DPP6: variants seen among roughly 807,000 people sequenced by gnomAD.
DPP6 encodes the protein A-type potassium channel modulatory protein DPP6.
In DPP6, 69 loss-of-function variants were observed where a neutral mutation model predicts 122.6. That is an observed-to-expected ratio of 0.56 (90% CI 0.46 to 0.69). The LOEUF is 0.69. Among genes scored for constraint, DPP6 ranks in the 30% least tolerant of loss-of-function variants. DPP6 has a pLI of 0.00. For synonymous variants in DPP6, 418 were observed against 433.1 expected, an observed-to-expected ratio of 0.97 and a Z score of 0.43; for missense variants, 928 against 1,116.9, an observed-to-expected ratio of 0.83 and a Z score of 2.41.
chr7:154,424,582 CCA>C, intron 1 of DPP6, among the ~76,000 whole-genome samples: 1 of 152,266 alleles, frequency 6.6e-6, no homozygotes, highest in Admixed American at 6.5e-5. Flanking sequence ...AAAATTGAGC[CCA>C]CGTGGATAAT....
intron 1 of DPP6, among the ~76,000 whole-genome samples, chr7:154,162,631 G>A (rs535440461): frequency 9.9e-5 from 15 of 152,190 alleles, no homozygotes; most frequent in African/African-American, 3.4e-4. Flanking sequence ...TCAACACCTG[G>A]AATCTGCATT....
At chr7:154,231,680 A>G (rs10229514) in intron 1 of DPP6, among the ~76,000 whole-genome samples, 7,261 of 152,096 alleles carry the variant, frequency 0.048, 569 homozygotes, top group African/African-American at 0.16. Context: ...CTGTGTCTCT[A>G]TGCCTGCAGT....
intron 8 of DPP6, among the ~76,000 whole-genome samples, chr7:154,741,925 T>G (rs1361140155): frequency 6.6e-6 from 1 of 152,198 alleles, no homozygotes; most frequent in Admixed American, 6.5e-5. Context: ...ATAGAAGAAA[T>G]TTACATGTAG....
chr7:154,129,392 A>C (rs1343212741), intron 1 of DPP6, among the ~76,000 whole-genome samples: 1 of 152,182 alleles, frequency 6.6e-6, no homozygotes, highest in Non-Finnish European at 1.5e-5. Context: ...TTTAGAGGAC[A>C]GAGCTGCTAA....
At chr7:153,756,439 G>A in the DPP6 span, among the ~76,000 whole-genome samples, 9 of 152,058 alleles carry the variant, frequency 5.9e-5, no homozygotes, top group South Asian at 1.0e-3. Context: ...TCCATTATAC[G>A]AGGCTGTTTT....
chr7:154,510,710 A>T (rs897062929), intron 3 of DPP6, among the ~76,000 whole-genome samples: 13 of 150,290 alleles, frequency 8.6e-5, no homozygotes, highest in African/African-American at 2.9e-4. Flanking sequence ...AAAAAAAAAT[A>T]GTGTAAAGGG....
At chr7:154,198,228 C>T (rs2150779426) in intron 1 of DPP6, among the ~76,000 whole-genome samples, 1 of 152,296 alleles carries the variant, frequency 6.6e-6, no homozygotes, top group Middle Eastern at 3.4e-3. Context: ...GGCTTAGTCA[C>T]CCTTCGCCCA....
chr7:154,077,823 A>G (rs1272734788), intron 1 of DPP6, among the ~76,000 whole-genome samples: 6 of 151,704 alleles, frequency 4.0e-5, no homozygotes, highest in Admixed American at 6.6e-5. Context: ...GGCACGCATC[A>G]CCATGCCCAG....
At position 154,894,176 on chromosome 7, in the gene DPP6, G is replaced by A. The variant is rs1806866861; in HGVS notation, c.*1696G>A. 1 of 152,294 alleles carries A rather than the reference G, an allele frequency of 6.6e-6. No individual in the cohort carries two copies. The highest frequency in any genetic ancestry group is 2.1e-4 in the South Asian group (1 of 4,838). The allele number at this position is 152,294 out of a possible 1,614,324, so 9.4% of individuals were successfully genotyped here. A position where few individuals can be genotyped will look rare whatever the true frequency, so the allele number is the denominator to read the frequency against. ...ATGGGCCTGAACGACTACAAAGCCA[G>A]CTAGGTCTGGAAGGGGAAGCCAGCT... is the stretch of plus-strand genomic sequence containing the variant. On this transcript the variant is annotated 3_prime_UTR_variant, in exon 26 of 26. Transcript: ENST00000377770.
intron 1 of DPP6, among the ~76,000 whole-genome samples, chr7:154,198,346 C>CT (rs1476538571): frequency 6.6e-6 from 1 of 151,970 alleles, no homozygotes; most frequent in Non-Finnish European, 1.5e-5. Context: ...GGGTCTCACT[C>CT]TGTCGCCCAG....
At chr7:153,769,977 G>T in the DPP6 span, among the ~76,000 whole-genome samples, 4 of 152,128 alleles carry the variant, frequency 2.6e-5, no homozygotes, top group Admixed American at 2.6e-4. Context: ...AGAAGGCAGG[G>T]TTCATATTCT....
At chr7:154,135,484 T>C (rs1795504235) in intron 1 of DPP6, among the ~76,000 whole-genome samples, 1 of 152,100 alleles carries the variant, frequency 6.6e-6, no homozygotes, top group Admixed American at 6.5e-5. Flanking sequence ...AGCATACACT[T>C]CCTATCTGTG....
At chr7:154,024,585 A>AGTCAGAT (rs1798883470) in intron 1 of DPP6, among the ~76,000 whole-genome samples, 1 of 152,198 alleles carries the variant, frequency 6.6e-6, no homozygotes, top group African/African-American at 2.4e-5. Flanking sequence ...TTGAATTGGA[A>AGTCAGAT]GTCAGATGTC....
chr7:153,756,138 T>G, the DPP6 span, among the ~76,000 whole-genome samples: 1 of 151,874 alleles, frequency 6.6e-6, no homozygotes, highest in Non-Finnish European at 1.5e-5. Context: ...AATCAGACCC[T>G]CCCACCTACT....
chr7:154,801,295 C>T (rs1798348958), intron 12 of DPP6, 60 bp from the exon 13 acceptor site: 1 of 1,548,226 alleles, frequency 6.5e-7, no homozygotes, highest in African/African-American at 1.4e-5. Context: ...TATCCTGGTT[C>T]AACCTCTTCA....
intron 1 of DPP6, among the ~76,000 whole-genome samples, chr7:153,995,865 G>C (rs368568106): frequency 6.6e-6 from 1 of 152,142 alleles, no homozygotes; most frequent in Non-Finnish European, 1.5e-5. Flanking sequence ...CCAAGGAGTC[G>C]TTGACAGACT....
chr7:154,412,764 C>T (rs1300901787), intron 1 of DPP6, among the ~76,000 whole-genome samples: 1 of 152,144 alleles, frequency 6.6e-6, no homozygotes, highest in Non-Finnish European at 1.5e-5. Flanking sequence ...TCATCTCACT[C>T]GACGACCTCA....
rs536305824 is a variant in DPP6, at chr7:154,267,456, T to C, written c.244-178758T>C. Reference sequence around the variant, plus strand: ...CATGCACATACATATATAATGTGTGTATATATTTATCTCTTATAAACACAT... The same window carrying C: ...CATGCACATACATATATAATGTGTGCATATATTTATCTCTTATAAACACAT... On this transcript the variant is annotated intron_variant, in intron 1 of 25. Coordinates refer to ENST00000377770, the MANE Select transcript of DPP6 (RefSeq NM_130797.4). Among the ~76,000 whole-genome samples the C allele has an allele frequency of 4.3e-3, 642 of 147,736 alleles. 3 individuals carry two copies. Among genetic ancestry groups the C allele is most frequent in the African/African-American group, 0.012 (493 of 40,342 alleles).
At chr7:154,446,529 A>G (rs1241165029) in intron 2 of DPP6, among the ~76,000 whole-genome samples, 1 of 152,228 alleles carries the variant, frequency 6.6e-6, no homozygotes, top group Non-Finnish European at 1.5e-5. Context: ...AAAGTTGTTT[A>G]CTACGTGGAA....
Sources: allele counts gnomAD v4.1 joint callset (sites outside exome capture counted in the v4.1 genomes callset), GRCh38; gene constraint gnomAD v4.1.1; transcripts MANE v1.5; gene names NCBI Gene and HGNC (gene_info 2026-07-23, HGNC 2026-07-21).